Variants in MORN4 observed in about 807,000 individuals in gnomAD.
The protein encoded by MORN4 is MORN repeat-containing protein 4.
In MORN4, 8 loss-of-function variants were observed where a neutral mutation model predicts 16.4. That is an observed-to-expected ratio of 0.49 (90% CI 0.29 to 0.88). MORN4 has a LOEUF of 0.88. Among genes scored for constraint, MORN4 ranks in the 40% least tolerant of loss-of-function variants. The pLI is 0.09. For missense variants in MORN4, 159 were observed against 182.9 expected, an observed-to-expected ratio of 0.87 and a Z score of 0.75; for synonymous variants, 53 against 68.9, an observed-to-expected ratio of 0.77 and a Z score of 1.14.
At chr10:97,619,783 T>TA (rs1368616750) in intron 1 of MORN4, 100 bp from the exon 2 acceptor site, 9 of 893,512 alleles carry the variant, frequency 1.0e-5, no homozygotes, top group African/African-American at 1.6e-5. Context: ...ACCAGCCTGG[T>TA]AAGTGTACAC....
At chr10:97,628,733 T>C (rs1454301322) in intron 1 of MORN4, among the ~76,000 whole-genome samples, 1 of 152,130 alleles carries the variant, frequency 6.6e-6, no homozygotes, top group Non-Finnish European at 1.5e-5. Flanking sequence ...GGTTTCACTA[T>C]GTTGGCCAGG....
chr10:97,622,693 C>CA (rs1322656539), intron 1 of MORN4, among the ~76,000 whole-genome samples: 2,480 of 55,406 alleles, frequency 0.045, 35 homozygotes, highest in Middle Eastern at 0.16. Flanking sequence ...GACCCTGTCT[C>CA]AAAAAAAAAA....
chr10:97,628,315 T>G (rs1028697645), intron 1 of MORN4, among the ~76,000 whole-genome samples: 5 of 152,216 alleles, frequency 3.3e-5, no homozygotes, highest in Non-Finnish European at 5.9e-5. Context: ...GCAGTGGGAT[T>G]TGAGGAGTCA....
At chr10:97,617,590 C>A (rs572034603) in intron 2 of MORN4, among the ~76,000 whole-genome samples, 1 of 152,316 alleles carries the variant, frequency 6.6e-6, no homozygotes, top group Non-Finnish European at 1.5e-5. Flanking sequence ...GCTGACCAGG[C>A]GCGGTAGCTT....
At chr10:97,619,116 G>A (rs1432007613) in intron 2 of MORN4, among the ~76,000 whole-genome samples, 6 of 152,180 alleles carry the variant, frequency 3.9e-5, no homozygotes, top group Non-Finnish European at 8.8e-5. Flanking sequence ...CCTGAGGTCA[G>A]GAGTTCGAGA....
intron 1 of MORN4, among the ~76,000 whole-genome samples, chr10:97,627,755 A>G (rs1021679677): frequency 1.2e-4 from 19 of 152,200 alleles, no homozygotes; most frequent in Non-Finnish European, 2.6e-4. Context: ...CACAGAAGAT[A>G]TCCGAGGCAA....
In MORN4 at chr10:97,615,232, A is replaced by G. The variant is rs2041226011; in HGVS notation, c.*1031T>C. The stretch of plus-strand genomic sequence containing the variant: ...GGCAGGAATGAATACCAGTCTGATC[A>G]GACCAAGTGGAAGCCTGCAGCCATG... On this transcript the variant is annotated 3_prime_UTR_variant, in exon 5 of 5. Coordinates refer to ENST00000307450, the MANE Select transcript of MORN4 (RefSeq NM_178832.4). 1 of 152,640 alleles carries G rather than the reference A, an allele frequency of 6.6e-6. No homozygotes were observed. The highest frequency in any genetic ancestry group is 2.4e-5 in the African/African-American group (1 of 41,442). The allele number at this position is 152,640 out of a possible 1,614,324, so 9.5% of individuals were successfully genotyped here. A position where few individuals can be genotyped will look rare whatever the true frequency, so the allele number is the denominator to read the frequency against.
intron 1 of MORN4, among the ~76,000 whole-genome samples, chr10:97,621,606 G>A (rs1018621295): frequency 2.0e-5 from 3 of 152,220 alleles, no homozygotes; most frequent in Non-Finnish European, 4.4e-5. Flanking sequence ...TTGGCCGGGT[G>A]CGGTGGCTCA....
chr10:97,629,490 A>G lies in MORN4; in HGVS notation c.-31+3857T>C, dbSNP rs570758269. 3.3e-4 allele frequency among the ~76,000 whole-genome samples: 51 copies of G among 152,342 alleles called. 3 individuals carry two copies. The South Asian group carries it at 0.011, about 32-fold the overall frequency. On this transcript the variant is annotated intron_variant, in intron 1 of 4. Coordinates refer to ENST00000307450, the MANE Select transcript of MORN4 (RefSeq NM_178832.4). ...CTTGGAGACCCGAGCCACCACATAA[A>G]AAGCCTGACTACACAGAGGCTAACA...
intron 1 of MORN4, among the ~76,000 whole-genome samples, chr10:97,627,916 C>G (rs565763605): frequency 4.6e-5 from 7 of 152,178 alleles, no homozygotes; most frequent in Non-Finnish European, 1.0e-4. Flanking sequence ...TTATCACCAG[C>G]CCAGCATCAG....
intron 3 of MORN4, 67 bp downstream of exon 3, chr10:97,617,141 C>T: frequency 5.0e-6 from 6 of 1,203,322 alleles, no homozygotes; most frequent in Non-Finnish European, 7.4e-6. Context: ...AGATATTTAC[C>T]AGAGTCCCAT....
upstream of MORN4, chr10:97,633,684 C>G (rs367994833): frequency 2.9e-5 from 35 of 1,226,802 alleles, no homozygotes; most frequent in African/African-American, 2.5e-4. The surrounding 1 kb of genome is among the most constrained non-coding windows in gnomAD (Gnocchi z 4.5). Context: ...GGATCCAGAT[C>G]TGGCCTACCC....
chr10:97,627,985 T>C (rs10450398), intron 1 of MORN4, among the ~76,000 whole-genome samples: 18,882 of 152,112 alleles, frequency 0.12, 2,824 homozygotes, highest in African/African-American at 0.35. Flanking sequence ...AATGAGAGCA[T>C]GAGAAGTAGT....
intron 1 of MORN4, among the ~76,000 whole-genome samples, chr10:97,627,193 A>C (rs1366974876): frequency 6.6e-6 from 1 of 151,344 alleles, no homozygotes; most frequent in Non-Finnish European, 1.5e-5. Context: ...ACCCAGGTGG[A>C]AGTGCAGTGG....
At position 97,633,257 on chromosome 10, in the gene MORN4, G is replaced by A. The variant is rs2041412742; in HGVS notation, c.-31+90C>T. On this transcript the variant is annotated intron_variant, in intron 1 of 4. Transcript: ENST00000307450. This position sits in a 1 kb window ranked among gnomAD's most constrained non-coding sequence, Gnocchi z 4.5. ...GTATCCGAGGTGGAGCCGCGCCCCC[G>A]AGCCGGGTCATCTCGTGCTCCGTTC... 8.1e-7 allele frequency: 1 copy of A among 1,234,774 alleles called. No homozygotes were observed. Among genetic ancestry groups the A allele is most frequent in the Non-Finnish European group, 1.0e-6 (1 of 956,130 alleles). 76.5% of individuals were successfully genotyped at this position (1,234,774 alleles called of 1,614,324 possible). A position where few individuals can be genotyped will look rare whatever the true frequency, so the allele number is the denominator to read the frequency against.
chr10:97,631,026 T>G (rs1324911077), intron 1 of MORN4, among the ~76,000 whole-genome samples: 1 of 152,156 alleles, frequency 6.6e-6, no homozygotes, highest in Non-Finnish European at 1.5e-5. Flanking sequence ...AATTTTTGCA[T>G]TTTTTGGTAG....
chr10:97,623,279 T>C (rs1291725307), intron 1 of MORN4, among the ~76,000 whole-genome samples: 1 of 152,134 alleles, frequency 6.6e-6, no homozygotes, highest in Non-Finnish European at 1.5e-5. Context: ...TATAAATCAC[T>C]ATTGAAAAGT....
intron 3 of MORN4, 62 bp downstream of exon 3, chr10:97,617,146 T>C: frequency 8.1e-7 from 1 of 1,239,278 alleles, no homozygotes; most frequent in South Asian, 1.2e-5. Flanking sequence ...TTTACCAGAG[T>C]CCCATTTTTC....
chr10:97,624,988 C>T (rs570089217), intron 1 of MORN4, among the ~76,000 whole-genome samples: 12 of 152,108 alleles, frequency 7.9e-5, no homozygotes, highest in African/African-American at 9.7e-5. Flanking sequence ...TCACCGCACA[C>T]GGCATGAGCA....
Sources: allele counts gnomAD v4.1 joint callset (sites outside exome capture counted in the v4.1 genomes callset), GRCh38; gene constraint gnomAD v4.1.1; non-coding constraint Gnocchi (gnomAD v3.1); transcripts MANE v1.5; gene names NCBI Gene and HGNC (gene_info 2026-07-23, HGNC 2026-07-21).